The following DOCK4 variants were observed in gnomAD, a reference collection of about 807,000 sequenced individuals.
DOCK4 encodes the protein dedicator of cytokinesis protein 4.
A neutral mutation model predicts 268.1 loss-of-function variants in DOCK4; 97 were observed. The observed-to-expected ratio is 0.36, with a 90% CI of 0.31 to 0.43. DOCK4 has a LOEUF of 0.43. DOCK4 is among the 20% of genes least tolerant of loss of function. The probability of loss-of-function intolerance (pLI) is 1.00; values close to 1 mark genes in which losing one functional copy is unlikely to be tolerated. For synonymous variants in DOCK4, 954 were observed against 887.2 expected (o/e 1.08, Z -1.34); for missense variants, 2,145 against 2,455.7 (o/e 0.87, Z 2.67).
chr7:111,739,806 G>A, intron 47 of DOCK4: 1 of 362,456 alleles, frequency 2.8e-6, no homozygotes, highest in Middle Eastern at 9.3e-4. Flanking sequence ...GCGTCTAAAA[G>A]GCATAAAATA....
chr7:111,933,380 C>G (rs1203369890), intron 12 of DOCK4, among the ~76,000 whole-genome samples: 1 of 148,194 alleles, frequency 6.7e-6, no homozygotes, highest in Non-Finnish European at 1.5e-5. Flanking sequence ...CTGCAACCTC[C>G]GACTCCCTGG....
rs562755410 is a variant in DOCK4, at chr7:111,758,490, G to A, written c.4329+134C>T. 2.3e-5 allele frequency: 24 copies of A among 1,033,328 alleles called. 1 individual carries two copies. The South Asian group carries it at 3.5e-4, about 15-fold the overall frequency. The allele number at this position is 1,033,328 out of a possible 1,614,324, so 64.0% of individuals were successfully genotyped here. A position where few individuals can be genotyped will look rare whatever the true frequency, so the allele number is the denominator to read the frequency against. ...TGCACGTGGAGCTGCAGAACCACTAGACTAAATGATTTATATAGTCCCTTC... is the reference window on the plus strand; with the variant it reads ...TGCACGTGGAGCTGCAGAACCACTAAACTAAATGATTTATATAGTCCCTTC... On this transcript the variant is annotated intron_variant, in intron 41 of 52. Coordinates refer to ENST00000428084, the MANE Select transcript of DOCK4 (RefSeq NM_001363540.2).
chr7:111,796,943 A>G (rs1799937174), intron 30 of DOCK4, among the ~76,000 whole-genome samples: 1 of 152,218 alleles, frequency 6.6e-6, no homozygotes, highest in Non-Finnish European at 1.5e-5. Context: ...GCCGAGATCC[A>G]AAAACCAGAA....
At chr7:111,825,078 G>T (rs1706101368) in intron 26 of DOCK4, among the ~76,000 whole-genome samples, 1 of 151,990 alleles carries the variant, frequency 6.6e-6, no homozygotes, top group African/African-American at 2.4e-5. Flanking sequence ...ACCTCTCTGG[G>T]AGTGAGTTCC....
chr7:111,858,247 C>CT (rs1282308702), intron 23 of DOCK4, among the ~76,000 whole-genome samples: 3 of 152,192 alleles, frequency 2.0e-5, no homozygotes, highest in African/African-American at 7.2e-5. Flanking sequence ...AATTTCTACT[C>CT]TAAGCTCAAC....
At chr7:112,158,385 C>T (rs1391850908) in intron 1 of DOCK4, among the ~76,000 whole-genome samples, 1 of 152,162 alleles carries the variant, frequency 6.6e-6, no homozygotes, top group African/African-American at 2.4e-5. Flanking sequence ...ATAGACACAA[C>T]AGTAAATTTA....
intron 12 of DOCK4, among the ~76,000 whole-genome samples, chr7:111,928,426 AT>A (rs553530091): frequency 1.8e-3 from 266 of 151,886 alleles, no homozygotes; most frequent in African/African-American, 6.3e-3. Context: ...ATTTAGTTTT[AT>A]TTTTTTTAAA....
intron 5 of DOCK4, 117 bp downstream of exon 5, chr7:111,994,018 C>A: frequency 1.8e-6 from 1 of 568,058 alleles, no homozygotes; most frequent in Non-Finnish European, 3.1e-6. Context: ...ATCTATATCC[C>A]CAAGGAGTCC....
At chr7:112,160,616 ATC>A (rs1169203524) in intron 1 of DOCK4, among the ~76,000 whole-genome samples, 5 of 152,182 alleles carry the variant, frequency 3.3e-5, no homozygotes, top group Admixed American at 3.3e-4. Flanking sequence ...TTACACAGAA[ATC>A]TGAACAGCCC....
chr7:111,758,610 G>A lies in DOCK4; in HGVS notation c.4329+14C>T. The A allele has an allele frequency of 6.2e-7, 1 of 1,613,168 alleles. No homozygotes were observed. The highest frequency in any genetic ancestry group is 1.1e-5 in the South Asian group (1 of 90,856). ...TATCTGAGGAGTTAGCATGTAATAA[G>A]AATTGCATGGTACCTTGAATTCATT... is the stretch of plus-strand genomic sequence containing the variant. On this transcript the variant is annotated intron_variant, in intron 41 of 52. Coordinates refer to ENST00000428084, the MANE Select transcript of DOCK4 (RefSeq NM_001363540.2).
chr7:112,050,792 AG>A (rs1444163291), intron 1 of DOCK4, among the ~76,000 whole-genome samples: 1 of 152,198 alleles, frequency 6.6e-6, no homozygotes, highest in Admixed American at 6.5e-5. Context: ...CTGATTTGAA[AG>A]TCTGCATAAG....
At position 112,105,093 on chromosome 7, in the gene DOCK4, T is replaced by G. The variant is rs79798232; in HGVS notation, c.38-100962A>C. Among the ~76,000 whole-genome samples, 84 of 152,006 alleles carry G rather than the reference T, an allele frequency of 5.5e-4. 2 individuals are homozygous for G. The East Asian group carries it at 0.015, about 27-fold the overall frequency. On this transcript the variant is annotated intron_variant, in intron 1 of 52. Transcript: ENST00000428084. Reference sequence around the variant, plus strand: ...GAAACATGTCAGAAATCATATTGAGTGCATTTTTCTGCTCTTGTATCCAAG... The same window carrying G: ...GAAACATGTCAGAAATCATATTGAGGGCATTTTTCTGCTCTTGTATCCAAG...
intron 1 of DOCK4, among the ~76,000 whole-genome samples, chr7:112,048,726 G>GA (rs77986467): frequency 0.09 from 12,971 of 143,452 alleles, 938 homozygotes; most frequent in East Asian, 0.39. Context: ...GGAAGAAAAA[G>GA]AAAAAAAAAA....
intron 26 of DOCK4, among the ~76,000 whole-genome samples, chr7:111,823,544 T>C: frequency 6.6e-6 from 1 of 151,900 alleles, no homozygotes; most frequent in Admixed American, 6.6e-5. Context: ...AGAGATAGGG[T>C]CAAATGCGCT....
At chr7:111,910,958 T>G (rs1191846717) in intron 13 of DOCK4, among the ~76,000 whole-genome samples, 1 of 152,188 alleles carries the variant, frequency 6.6e-6, no homozygotes, top group Non-Finnish European at 1.5e-5. Flanking sequence ...AGTGGAGAAT[T>G]TCTGCGCCTA....
chr7:112,123,135 G>C (rs1812893189), intron 1 of DOCK4, among the ~76,000 whole-genome samples: 1 of 152,236 alleles, frequency 6.6e-6, no homozygotes, highest in South Asian at 2.1e-4. Flanking sequence ...AGAATGAATG[G>C]ATCAGGGAGC....
At chr7:112,105,424 T>A (rs1811053166) in intron 1 of DOCK4, among the ~76,000 whole-genome samples, 1 of 152,118 alleles carries the variant, frequency 6.6e-6, no homozygotes, top group Non-Finnish European at 1.5e-5. Flanking sequence ...TTCTTAATTC[T>A]TTTTTAAAAA....
intron 8 of DOCK4, among the ~76,000 whole-genome samples, chr7:111,959,082 G>T (rs1200898238): frequency 6.6e-6 from 1 of 152,084 alleles, no homozygotes; most frequent in Non-Finnish European, 1.5e-5. Context: ...GAAGAGGGAG[G>T]GCAGAAAGCA....
intron 12 of DOCK4, among the ~76,000 whole-genome samples, chr7:111,929,100 T>C (rs1280109330): frequency 2.6e-5 from 4 of 152,184 alleles, no homozygotes; most frequent in African/African-American, 9.7e-5. Flanking sequence ...TGTATATATG[T>C]ATGATGTGTA....
Sources: allele counts gnomAD v4.1 joint callset (sites outside exome capture counted in the v4.1 genomes callset), GRCh38; gene constraint gnomAD v4.1.1; transcripts MANE v1.5; gene names NCBI Gene and HGNC (gene_info 2026-07-23, HGNC 2026-07-21).